The following TMED3 variants were observed in gnomAD, a reference collection of about 807,000 sequenced individuals.
The protein encoded by TMED3 is transmembrane p24 trafficking protein 3.
In TMED3, 9 loss-of-function variants were observed where a neutral mutation model predicts 15.0. The observed-to-expected ratio is 0.60, with a 90% CI of 0.36 to 1.04. TMED3 has a LOEUF of 1.04. Ranked by LOEUF, TMED3 falls within the 50% of genes least tolerant of loss-of-function variation. The probability of loss-of-function intolerance (pLI) is 0.01; values close to 1 mark genes in which losing one functional copy is unlikely to be tolerated. For missense variants in TMED3, 267 were observed against 278.9 expected (o/e 0.96, Z 0.30); for synonymous variants, 117 against 121.4 (o/e 0.96, Z 0.24).
At chr15:79,313,107 C>T (rs2058723944) in intron 1 of TMED3, among the ~76,000 whole-genome samples, 1 of 152,162 alleles carries the variant, frequency 6.6e-6, no homozygotes, top group African/African-American at 2.4e-5. Context: ...GACATATCCT[C>T]AGAGAATAAA....
At chr15:79,393,018 T>C (rs6495404) in intron 2 of TMED3, among the ~76,000 whole-genome samples, 147,244 of 152,314 alleles carry the variant, frequency 0.97, 71,390 homozygotes, top group East Asian at 1. Context: ...CTCCCTTCTC[T>C]CTTATCACTA....
chr15:79,387,296 T>C (rs1186132972), intron 2 of TMED3, among the ~76,000 whole-genome samples: 1 of 152,248 alleles, frequency 6.6e-6, no homozygotes, highest in Admixed American at 6.5e-5. Flanking sequence ...AGTTTCTTAT[T>C]GAAAAGATTA....
At chr15:79,325,791 C>G (rs893359945), downstream of TMED3, among the ~76,000 whole-genome samples, 3 of 152,210 alleles carry the variant, frequency 2.0e-5, no homozygotes, top group African/African-American at 7.2e-5. Context: ...GCCAAAGAAC[C>G]TGCAGTCTGA....
At chr15:79,374,035 T>C (rs886725185) in intron 2 of TMED3, among the ~76,000 whole-genome samples, 2 of 152,150 alleles carry the variant, frequency 1.3e-5, no homozygotes, top group African/African-American at 4.8e-5. Context: ...CTCTTAAAGG[T>C]TAAATCTCTT....
chr15:79,337,836 G>A (rs2058832621), intron 2 of TMED3, among the ~76,000 whole-genome samples: 1 of 152,210 alleles, frequency 6.6e-6, no homozygotes. Flanking sequence ...TAAGGGAAAT[G>A]TACAATGATA....
chr15:79,405,956 C>T (rs1893897733), intron 2 of TMED3, among the ~76,000 whole-genome samples: 1 of 152,202 alleles, frequency 6.6e-6, no homozygotes, highest in Non-Finnish European at 1.5e-5. Context: ...AGCTCAATAG[C>T]CACAGTCCTA....
chr15:79,383,724 C>T (rs1893579580), intron 2 of TMED3: 1 of 152,312 alleles, frequency 6.6e-6, no homozygotes, highest in South Asian at 2.1e-4. Flanking sequence ...TCTCTAGCCC[C>T]TCCAGAGATA....
At chr15:79,357,381 A>T (rs940209677) in intron 2 of TMED3, among the ~76,000 whole-genome samples, 8 of 148,060 alleles carry the variant, frequency 5.4e-5, no homozygotes, top group Non-Finnish European at 1.0e-4. Context: ...GCTACTTGAG[A>T]CGCTGAGGCA....
At chr15:79,343,078 GGTTT>G (rs2058857194) in intron 2 of TMED3, among the ~76,000 whole-genome samples, 2 of 152,098 alleles carry the variant, frequency 1.3e-5, no homozygotes, top group African/African-American at 4.8e-5. Context: ...GAAATATAAG[GGTTT>G]GTTTGAGGAA....
intron 2 of TMED3, among the ~76,000 whole-genome samples, chr15:79,388,627 T>TC (rs1893658375): frequency 6.6e-6 from 1 of 152,188 alleles, no homozygotes; most frequent in South Asian, 2.1e-4. Flanking sequence ...GTAGTAGGAT[T>TC]GCTGGATCAA....
At chr15:79,379,111 G>A (rs1182284628) in intron 2 of TMED3, among the ~76,000 whole-genome samples, 1 of 152,284 alleles carries the variant, frequency 6.6e-6, no homozygotes, top group Non-Finnish European at 1.5e-5. Context: ...TTACCAACAT[G>A]TATTAAGTGA....
At chr15:79,330,863 C>G (rs973341625) in intron 2 of TMED3, among the ~76,000 whole-genome samples, 53 of 152,136 alleles carry the variant, frequency 3.5e-4, no homozygotes, top group East Asian at 1.9e-4. Context: ...GAATAGAAAG[C>G]CCAGAAATTA....
downstream of TMED3, among the ~76,000 whole-genome samples, chr15:79,326,112 T>G (rs1211821092): frequency 6.6e-6 from 1 of 152,216 alleles, no homozygotes; most frequent in Non-Finnish European, 1.5e-5. Flanking sequence ...TTTTATGTAC[T>G]AATCAATGAA....
intron 2 of TMED3, among the ~76,000 whole-genome samples, chr15:79,330,549 G>GA (rs1273321982): frequency 6.6e-6 from 1 of 152,060 alleles, no homozygotes; most frequent in Non-Finnish European, 1.5e-5. Flanking sequence ...ACAGTAATTG[G>GA]AAAAAATTCC....
At chr15:79,342,658 CCAAAAGA>C (rs1323347887) in intron 2 of TMED3, among the ~76,000 whole-genome samples, 7 of 152,036 alleles carry the variant, frequency 4.6e-5, no homozygotes, top group African/African-American at 1.7e-4. Flanking sequence ...ATAAACAAAA[CCAAAAGA>C]CAAAAGGCAA....
At chr15:79,311,483 T>C (rs2058713940) in intron 1 of TMED3, 66 bp downstream of exon 1, 2 of 1,521,474 alleles carry the variant, frequency 1.3e-6, no homozygotes, top group Admixed American at 3.9e-5. Flanking sequence ...GGACACTGGC[T>C]AGCCCCTGAC....
chr15:79,401,070 TTACCA>T (rs1053953820), intron 2 of TMED3, among the ~76,000 whole-genome samples: 2 of 152,178 alleles, frequency 1.3e-5, no homozygotes, highest in African/African-American at 4.8e-5. Context: ...CCCATATATT[TTACCA>T]TACCATGGGG....
chr15:79,411,239 G>T (rs902300558), intron 2 of TMED3, among the ~76,000 whole-genome samples: 1 of 152,202 alleles, frequency 6.6e-6, no homozygotes, highest in Admixed American at 6.5e-5. Context: ...AAACTTTCTG[G>T]CTAGGGGAGG....
chr15:79,344,411 G>A (rs927762827), intron 2 of TMED3, among the ~76,000 whole-genome samples: 1 of 152,194 alleles, frequency 6.6e-6, no homozygotes, highest in Admixed American at 6.5e-5. Flanking sequence ...CCTTCCAGAT[G>A]CTCTGGGGAA....
Sources: gnomAD v4.1 joint callset for allele counts (sites outside exome capture counted in the v4.1 genomes callset) on GRCh38, gnomAD v4.1.1 for gene constraint, MANE v1.5 for transcripts, NCBI Gene and HGNC (gene_info 2026-07-23, HGNC 2026-07-21) for gene names.